ZNF385D: variants seen among roughly 807,000 people sequenced by gnomAD.
ZNF385D encodes zinc finger protein 385D.
Under a neutral mutation model 35.8 loss-of-function variants are expected in ZNF385D, and 15 were observed. That is an observed-to-expected ratio of 0.42 (90% CI 0.28 to 0.64). ZNF385D has a LOEUF of 0.64. Among genes scored for constraint, ZNF385D ranks in the 30% least tolerant of loss-of-function variants. ZNF385D has a pLI of 0.23. For synonymous variants in ZNF385D, 212 were observed against 186.8 expected (o/e 1.13, Z -1.10); for missense variants, 474 against 494.6 (o/e 0.96, Z 0.39).
intron 3 of ZNF385D, among the ~76,000 whole-genome samples, chr3:21,765,742 G>GAA (rs1445167907): frequency 7.4e-5 from 10 of 135,612 alleles, no homozygotes. Flanking sequence ...AAGAGAGAGA[G>GAA]ACAGAGAGAG....
chr3:21,536,604 T>A (rs161196), intron 3 of ZNF385D, among the ~76,000 whole-genome samples: 1 of 152,084 alleles, frequency 6.6e-6, no homozygotes, highest in African/African-American at 2.4e-5. Context: ...GCACTATATA[T>A]GAAGCAATAC....
At chr3:21,683,733 G>A (rs1055367304) in intron 1 of ZNF385D, among the ~76,000 whole-genome samples, 1 of 150,228 alleles carries the variant, frequency 6.7e-6, no homozygotes, top group African/African-American at 2.5e-5. Context: ...GCCCTTACTG[G>A]CCTGAAGATC....
rs181717333 is a variant in ZNF385D at position 21,914,771 on chromosome 3, C to T, written c.326-249743G>A. The stretch of plus-strand genomic sequence containing the variant: ...TACTTGAAATATTCTAAATACCCCT[C>T]GGTTTATTTTTATTAAAAAGCCACT... On this transcript the variant is annotated intron_variant, in intron 3 of 5. Transcript: ENST00000494108. Among the ~76,000 whole-genome samples, 350 of 151,954 alleles carry T rather than the reference C, an allele frequency of 2.3e-3. 2 individuals are homozygous for T. The highest frequency in any genetic ancestry group is 8.0e-3 in the African/African-American group (331 of 41,504).
chr3:21,835,028 G>A (rs1266300979), intron 3 of ZNF385D, among the ~76,000 whole-genome samples: 1 of 152,016 alleles, frequency 6.6e-6, no homozygotes, highest in Non-Finnish European at 1.5e-5. Flanking sequence ...TACATACACT[G>A]ACCTAGCAAG....
At chr3:21,580,606 TATA>T (rs1451454616) in intron 2 of ZNF385D, among the ~76,000 whole-genome samples, 3 of 152,150 alleles carry the variant, frequency 2.0e-5, no homozygotes, top group African/African-American at 4.8e-5. Flanking sequence ...TTTGGAAAAG[TATA>T]ATGATGTATG....
intron 3 of ZNF385D, among the ~76,000 whole-genome samples, chr3:21,827,067 G>C (rs1694688854): frequency 6.6e-6 from 1 of 152,108 alleles, no homozygotes; most frequent in African/African-American, 2.4e-5. Flanking sequence ...CAAAAGTGGA[G>C]AGTCTAATAA....
At chr3:21,875,426 C>A (rs1033124650) in intron 3 of ZNF385D, among the ~76,000 whole-genome samples, 24 of 151,924 alleles carry the variant, frequency 1.6e-4, no homozygotes, top group African/African-American at 5.8e-4. Flanking sequence ...CCCTTTTATC[C>A]TCATATCTTG....
intron 2 of ZNF385D, among the ~76,000 whole-genome samples, chr3:21,651,121 T>C (rs1043365103): frequency 3.9e-4 from 5 of 12,856 alleles, no homozygotes; most frequent in South Asian, 8.2e-3. Context: ...CTACTAAAAA[T>C]ACAAAAAAAA....
Position 21,848,518 on chromosome 3 carries a change from G to T in ZNF385D, c.326-183490C>A, listed in dbSNP as rs181838257. On this transcript the variant is annotated intron_variant, in intron 3 of 5. Transcript: ENST00000494108. ...TACCTAAAATAAGAAAAAAAGAGAA[G>T]ATTCAAATAAGTAATATCAGAAGTA... Among the ~76,000 whole-genome samples, 310 of 151,844 alleles carry T rather than the reference G, an allele frequency of 2.0e-3. 3 individuals carry two copies. Among genetic ancestry groups the T allele is most frequent in the African/African-American group, 7.1e-3 (296 of 41,498 alleles).
At chr3:21,715,023 T>C (rs956761791) in intron 1 of ZNF385D, among the ~76,000 whole-genome samples, 2 of 152,198 alleles carry the variant, frequency 1.3e-5, no homozygotes, top group African/African-American at 4.8e-5. Flanking sequence ...TTATTAATTA[T>C]AGTTTTCAGG....
Position 21,665,011 on chromosome 3 carries a change from G to T in ZNF385D, c.40C>A (p.Pro14Thr). 1 of 1,611,816 alleles carries T rather than the reference G, an allele frequency of 6.2e-7. No individual in the cohort carries two copies. The highest frequency in any genetic ancestry group is 8.5e-7 in the Non-Finnish European group (1 of 1,178,838). ...GGACGGACAAGGGCCGGGAGAGCAG[G>T]ACTCTGGCATGTACCACCTGTGAAG... ...IMYFGGTCQS[P>T]ALPALVRPPA... The change falls in exon 2 of 8, where the codon CCT becomes ACT. Residue 14 changes from proline (P) to threonine (T), a missense_variant. Pro to Thr is a conservative substitution (Grantham distance 38). Coordinates refer to ENST00000281523, the MANE Select transcript of ZNF385D (RefSeq NM_024697.3).
intron 4 of ZNF385D, among the ~76,000 whole-genome samples, chr3:21,487,295 GT>G (rs5847103): frequency 4.6e-5 from 7 of 151,394 alleles, no homozygotes; most frequent in Non-Finnish European, 7.4e-5. Flanking sequence ...ATTGTAGTGG[GT>G]TTTTTTTCTA....
intron 2 of ZNF385D, among the ~76,000 whole-genome samples, chr3:22,230,417 A>G (rs1034990643): frequency 2.0e-5 from 3 of 152,112 alleles, no homozygotes; most frequent in Admixed American, 2.0e-4. Flanking sequence ...CTTCCCATAA[A>G]AGGCCTACGC....
chr3:21,879,195 A>G (rs1698140563), intron 3 of ZNF385D, among the ~76,000 whole-genome samples: 1 of 152,032 alleles, frequency 6.6e-6, no homozygotes, highest in Admixed American at 6.6e-5. Flanking sequence ...AATGGAAAAA[A>G]AATCCTGTGT....
At chr3:21,969,830 C>A (rs1342625588) in intron 3 of ZNF385D, among the ~76,000 whole-genome samples, 1 of 152,074 alleles carries the variant, frequency 6.6e-6, no homozygotes, top group Admixed American at 6.6e-5. Flanking sequence ...CTGTGTCACC[C>A]TATCTCAGCT....
intron 3 of ZNF385D, among the ~76,000 whole-genome samples, chr3:22,036,117 A>G (rs1461793633): frequency 1.3e-5 from 2 of 152,170 alleles, no homozygotes; most frequent in Admixed American, 6.6e-5. Context: ...AAATTCAACG[A>G]TGTACAGTAG....
intron 2 of ZNF385D, among the ~76,000 whole-genome samples, chr3:22,186,230 G>T (rs1315179933): frequency 1.3e-5 from 2 of 152,072 alleles, no homozygotes; most frequent in African/African-American, 4.8e-5. Context: ...AATACATAAT[G>T]TATCAGAAAA....
At chr3:22,285,580 G>C (rs4619805) in intron 2 of ZNF385D, among the ~76,000 whole-genome samples, 1 of 151,934 alleles carries the variant, frequency 6.6e-6, no homozygotes, top group Non-Finnish European at 1.5e-5. Flanking sequence ...TGTGCACAAC[G>C]TGCAAGTTAG....
At chr3:22,293,097 TAACTC>T (rs1421178115) in intron 2 of ZNF385D, among the ~76,000 whole-genome samples, 1 of 152,118 alleles carries the variant, frequency 6.6e-6, no homozygotes, top group Non-Finnish European at 1.5e-5. Flanking sequence ...GTCTTATATA[TAACTC>T]AAATGCTATC....
Sources: gnomAD v4.1 joint callset for allele counts (sites outside exome capture counted in the v4.1 genomes callset) on GRCh38, gnomAD v4.1.1 for gene constraint, MANE v1.5 for transcripts, NCBI Gene and HGNC (gene_info 2026-07-23, HGNC 2026-07-21) for gene names.